TM6SF2: variants seen among roughly 807,000 people sequenced by gnomAD.
TM6SF2 encodes transmembrane 6 superfamily member 2.
TM6SF2 carries 29 observed loss-of-function variants against 41.0 expected under a neutral mutation model. The observed-to-expected ratio is 0.71, with a 90% CI of 0.53 to 0.96. The LOEUF (loss-of-function observed/expected upper bound fraction) is 0.96, where lower values mean the gene tolerates loss of function less well. Among genes scored for constraint, TM6SF2 ranks in the 50% least tolerant of loss-of-function variants. The probability of loss-of-function intolerance (pLI) is 0.00; values close to 1 mark genes in which losing one functional copy is unlikely to be tolerated. For synonymous variants in TM6SF2, 200 were observed against 209.1 expected (o/e 0.96, Z 0.37); for missense variants, 475 against 499.0 (o/e 0.95, Z 0.46).
At position 19,273,135 on chromosome 19, in the gene TM6SF2, G is replaced by A; in HGVS notation, c.81C>T (p.Val27=). 1 of 1,429,350 alleles carries A rather than the reference G, an allele frequency of 7.0e-7. No individual in the cohort carries two copies. Among genetic ancestry groups the A allele is most frequent in the South Asian group, 1.3e-5 (1 of 78,788 alleles). 88.5% of individuals were successfully genotyped at this position (1,429,350 alleles called of 1,614,324 possible). A position where few individuals can be genotyped will look rare whatever the true frequency, so the allele number is the denominator to read the frequency against. The change falls in exon 1 of 10, where the codon GTC becomes GTT. Residue 27 remains valine, a synonymous_variant. Coordinates refer to ENST00000389363, the MANE Select transcript of TM6SF2 (RefSeq NM_001001524.3). ...TCCGCACGCACTGCGAGAGCGCCGA[G>A]ACGTGGTTGAGCGCGTAGGACACCG... ...ALPVSYALNH[V]SALSHPLWVA... is the part of the protein sequence containing the mutation.
Position 19,270,907 on chromosome 19 carries a change from G to C in TM6SF2, c.199+115C>G, listed in dbSNP as rs542782300. Reference sequence around the variant, plus strand: ...TCTCTTTGAGGTCTCCAGTCTGATGGGAGCTCTTAAAGGGCCCCCAGTCTG... The same window carrying C: ...TCTCTTTGAGGTCTCCAGTCTGATGCGAGCTCTTAAAGGGCCCCCAGTCTG... On this transcript the variant is annotated intron_variant, in intron 2 of 9. Transcript: ENST00000389363. 7 of 842,840 alleles carry C rather than the reference G, an allele frequency of 8.3e-6. No individual in the cohort carries two copies. The East Asian group carries it at 1.7e-4, about 21-fold the overall frequency. The allele number at this position is 842,840 out of a possible 1,614,324, so 52.2% of individuals were successfully genotyped here.
rs1213436006 is a variant in TM6SF2, at chr19:19,273,235, C to G, written c.-20G>C. The G allele has an allele frequency of 5.1e-6, 7 of 1,382,896 alleles. No individual in the cohort carries two copies. Among genetic ancestry groups the G allele is most frequent in the African/African-American group, 1.5e-5 (1 of 66,230 alleles). The allele number at this position is 1,382,896 out of a possible 1,614,324, so 85.7% of individuals were successfully genotyped here. On this transcript the variant is annotated 5_prime_UTR_variant, in exon 1 of 10. Coordinates refer to ENST00000389363, the MANE Select transcript of TM6SF2 (RefSeq NM_001001524.3). ...GTCCATAGCGGCGGCTGCTGGACCCCGGCTCAGCCCCGACGCGTTCTCCAG... is the reference window on the plus strand; with the variant it reads ...GTCCATAGCGGCGGCTGCTGGACCCGGGCTCAGCCCCGACGCGTTCTCCAG...
chr19:19,273,226 G>A lies in TM6SF2; in HGVS notation c.-11C>T. 7.1e-7 allele frequency: 1 copy of A among 1,401,692 alleles called. No homozygotes were observed. Among genetic ancestry groups the A allele is most frequent in the East Asian group, 3.1e-5 (1 of 32,512 alleles). 86.8% of individuals were successfully genotyped at this position (1,401,692 alleles called of 1,614,324 possible). A position where few individuals can be genotyped will look rare whatever the true frequency, so the allele number is the denominator to read the frequency against. On this transcript the variant is annotated 5_prime_UTR_variant, in exon 1 of 10. Transcript: ENST00000389363. Reference sequence around the variant, plus strand: ...CGGCGGGATGTCCATAGCGGCGGCTGCTGGACCCCGGCTCAGCCCCGACGC... The same window carrying A: ...CGGCGGGATGTCCATAGCGGCGGCTACTGGACCCCGGCTCAGCCCCGACGC...
intron 2 of TM6SF2, 128 bp from the exon 3 acceptor site, chr19:19,270,570 C>T: frequency 3.5e-6 from 4 of 1,153,038 alleles, no homozygotes; most frequent in Non-Finnish European, 4.9e-6. Context: ...ACTCCAGGCC[C>T]AGTCCCTGCC....
intron 8 of TM6SF2, among the ~76,000 whole-genome samples, chr19:19,266,880 C>G (rs2061004921): frequency 6.6e-6 from 1 of 152,208 alleles, no homozygotes. Flanking sequence ...GTCCATGATG[C>G]TCAGTAAGGG....
Position 19,264,875 on chromosome 19 carries a change from T to C in TM6SF2, c.925-2A>G, listed in dbSNP as rs2060997498. The C allele has an allele frequency of 2.6e-6, 4 of 1,545,024 alleles. No individual in the cohort carries two copies. Among genetic ancestry groups the C allele is most frequent in the Non-Finnish European group, 2.6e-6 (3 of 1,146,108 alleles). ...AGCCCCCATGTGCGAGAACTGTGCC[T>C]GGTAGCCAGACAGGGAAGATGGATG... On this transcript the variant is annotated splice_acceptor_variant, in intron 9 of 9. Coordinates refer to ENST00000389363, the MANE Select transcript of TM6SF2 (RefSeq NM_001001524.3). LOFTEE classifies it high-confidence loss of function.
chr19:19,273,192 G>T lies in TM6SF2; in HGVS notation c.24C>A (p.Gly8=). The T allele has an allele frequency of 6.9e-7, 1 of 1,454,838 alleles. No individual in the cohort carries two copies. Among genetic ancestry groups the T allele is most frequent in the Non-Finnish European group, 9.0e-7 (1 of 1,107,030 alleles). 90.1% of individuals were successfully genotyped at this position (1,454,838 alleles called of 1,614,324 possible). A position where few individuals can be genotyped will look rare whatever the true frequency, so the allele number is the denominator to read the frequency against. Residue 8 remains glycine (G), a synonymous_variant, in exon 1 of 10, where the codon GGC becomes GGA. Coordinates refer to ENST00000389363, the MANE Select transcript of TM6SF2 (RefSeq NM_001001524.3). The stretch of plus-strand genomic sequence containing the variant: ...CGCTCAGCGACAGCGCCGCGATCTT[G>T]CCGGCCAGCGGCGGGATGTCCATAG... MDIPPLA[G]KIAALSLSAL...
intron 1 of TM6SF2, among the ~76,000 whole-genome samples, chr19:19,272,909 C>T (rs1414547886): frequency 6.6e-6 from 1 of 152,182 alleles, no homozygotes; most frequent in African/African-American, 2.4e-5. Context: ...CGCATCCCAG[C>T]CTCCAGCCCG....
At chr19:19,266,451 C>G (rs1398550306) in intron 9 of TM6SF2, 39 bp downstream of exon 9, 2 of 1,610,912 alleles carry the variant, frequency 1.2e-6, no homozygotes, top group South Asian at 2.2e-5. Context: ...CAGAAATTCC[C>G]TCCCACATGC....
In TM6SF2 at chr19:19,264,674, T is replaced by C. The variant is rs200570958; in HGVS notation, c.1124A>G (p.Lys375Arg). 3 of 1,514,846 alleles carry C rather than the reference T, an allele frequency of 2.0e-6. No individual in the cohort carries two copies. In the East Asian group the frequency reaches 7.5e-5, roughly 38 times the overall value. The allele number at this position is 1,514,846 out of a possible 1,614,324, so 93.8% of individuals were successfully genotyped here. A position where few individuals can be genotyped will look rare whatever the true frequency, so the allele number is the denominator to read the frequency against. Residue 375 changes from lysine to arginine, a missense_variant, in exon 10 of 10, where the codon AAG becomes AGG. Physicochemically the swap from Lys to Arg is conservative, Grantham distance 26 (BLOSUM62 2). Around this residue, in one of 3 missense-constraint regions of TM6SF2, gnomAD observed 190 missense variants for 190.2 expected, o/e 1.00. Transcript: ENST00000389363. ...GAGTCCACAGCTCTCTCAATGCTGCTTCTTGTGGAGGGCTAGGGGGTCGGA... is the reference window on the plus strand; with the variant it reads ...GAGTCCACAGCTCTCTCAATGCTGCCTCTTGTGGAGGGCTAGGGGGTCGGA... ...PPSDPLALHK[K>R]QH is the part of the protein sequence containing the mutation.
At position 19,268,727 on chromosome 19, in the gene TM6SF2, G is replaced by A; in HGVS notation, c.512C>T (p.Ala171Val). ...LGKYSSEIRPAFFLTIPYLLV... is the reference protein window; with the variant it reads ...LGKYSSEIRPVFFLTIPYLLV... ...CAGGTAGGGGATGGTGAGGAAGAAG[G>A]CAGGCCTGATCTCGGAGCTGTATTT... is the stretch of plus-strand genomic sequence containing the variant. The change falls in exon 6 of 10, where the codon GCC becomes GTC. Residue 171 changes from alanine (A) to valine (V), a missense_variant. Coordinates refer to ENST00000389363, the MANE Select transcript of TM6SF2 (RefSeq NM_001001524.3). The A allele has an allele frequency of 6.2e-7, 1 of 1,605,226 alleles. No individual in the cohort carries two copies. Among genetic ancestry groups the A allele is most frequent in the Non-Finnish European group, 8.5e-7 (1 of 1,176,958 alleles).
intron 4 of TM6SF2, 137 bp from the exon 5 acceptor site, chr19:19,269,906 G>T: frequency 6.5e-7 from 1 of 1,539,722 alleles, no homozygotes; most frequent in South Asian, 1.2e-5. Flanking sequence ...GGACAACAGG[G>T]AGTTGAACGG....
chr19:19,265,419 T>C (rs72999058), intron 9 of TM6SF2, among the ~76,000 whole-genome samples: 17,575 of 126,920 alleles, frequency 0.14, 1,270 homozygotes, highest in Middle Eastern at 0.27. Flanking sequence ...TCCATCCATC[T>C]ATCTATCTAT....
In TM6SF2 at chr19:19,268,093, C is replaced by T. The variant is rs1378425206; in HGVS notation, c.610-6G>A. 26 of 1,610,140 alleles carry T rather than the reference C, an allele frequency of 1.6e-5. No individual in the cohort carries two copies. The highest frequency in any genetic ancestry group is 2.0e-5 in the Non-Finnish European group (24 of 1,177,348). ...TTTCTTTGTTCCTCTTGCACCTGGC[C>T]CAGGGGAGAGAAACAGACAGCATGA... On this transcript the variant is annotated splice_polypyrimidine_tract_variant and splice_region_variant and intron_variant, in intron 6 of 9. Coordinates refer to ENST00000389363, the MANE Select transcript of TM6SF2 (RefSeq NM_001001524.3).
Position 19,264,755 on chromosome 19 carries a change from T to G in TM6SF2, c.1043A>C (p.His348Pro), listed in dbSNP as rs752359236. The G allele has an allele frequency of 6.2e-7, 1 of 1,608,184 alleles. No individual in the cohort carries two copies. Among genetic ancestry groups the G allele is most frequent in the South Asian group, 1.1e-5 (1 of 89,958 alleles). Residue 348 changes from histidine to proline, a missense_variant, in exon 10 of 10, where the codon CAC becomes CCC. Around this residue, in one of 3 missense-constraint regions of TM6SF2, gnomAD observed 190 missense variants for 190.2 expected, o/e 1.00. Transcript: ENST00000389363. ...CTGAAGGCAACGGTAGGCCAGCAGG[T>G]GGGGGCCCAGCGCATACAGCAGATT... is the stretch of plus-strand genomic sequence containing the variant. ...VCNLLYALGPHLLAYRCLQWP... is the reference protein window; with the variant it reads ...VCNLLYALGPPLLAYRCLQWP...
At chr19:19,266,658 C>A (rs759899142) in intron 8 of TM6SF2, 49 bp from the exon 9 acceptor site, 1 of 1,569,462 alleles carries the variant, frequency 6.4e-7, no homozygotes, top group Non-Finnish European at 8.6e-7. Flanking sequence ...TGAGCAGCTA[C>A]CCCAGGTGGG....
rs374302893 is a variant in TM6SF2, at chr19:19,266,557, G to T, written c.857C>A (p.Ala286Asp). The T allele has an allele frequency of 2.5e-6, 4 of 1,613,952 alleles. No homozygotes were observed. Among genetic ancestry groups the T allele is most frequent in the South Asian group, 2.2e-5 (2 of 91,086 alleles). Residue 286 changes from alanine to aspartate, a missense_variant, in exon 9 of 10, where the codon GCT (alanine) becomes GAT (aspartate). By Grantham distance (126) the Ala-to-Asp change is moderately radical. This residue lies in a region of TM6SF2 where 190 missense variants were observed against 190.2 expected (regional missense o/e 1.00). Coordinates refer to ENST00000389363, the MANE Select transcript of TM6SF2 (RefSeq NM_001001524.3). ...CCAGGAGCAACCAGGGAAGGTGAGA[G>T]CATAGGCAGCCAGGCCGCAGAAAGG... ...VLPFCGLAAY[A>D]LTFPGCSWLP...
intron 1 of TM6SF2, among the ~76,000 whole-genome samples, chr19:19,271,508 C>CT (rs1229374529): frequency 2.0e-5 from 3 of 151,728 alleles, no homozygotes; most frequent in African/African-American, 7.3e-5. Context: ...CTCTTTCTTT[C>CT]TTTTTTTCTT....
At chr19:19,273,058 T>TCCAGGCCCCCCCCCCCCCCCCC in intron 1 of TM6SF2, 63 bp downstream of exon 1, 4 of 470,234 alleles carry the variant, frequency 8.5e-6, no homozygotes, top group South Asian at 2.5e-5. Context: ...CCACCTCCAG[T>TCCAGGCCCCCCCCCCCCCCCCC]CCTCCCCGCC....
Sources: allele counts gnomAD v4.1 joint callset (sites outside exome capture counted in the v4.1 genomes callset), GRCh38; gene constraint gnomAD v4.1.1; regional missense constraint gnomAD v4.1.1; transcripts MANE v1.5; gene names NCBI Gene and HGNC (gene_info 2026-07-23, HGNC 2026-07-21).